The following RPS6KC1 variants were observed in gnomAD, a reference collection of about 807,000 sequenced individuals.
The protein encoded by RPS6KC1 is ribosomal protein S6 kinase C1.
Under a neutral mutation model 103.8 loss-of-function variants are expected in RPS6KC1, and 54 were observed. The observed-to-expected ratio is 0.52, with a 90% CI of 0.42 to 0.65. The LOEUF (loss-of-function observed/expected upper bound fraction) is 0.65, where lower values mean the gene tolerates loss of function less well. Ranked by LOEUF, RPS6KC1 falls within the 30% of genes least tolerant of loss-of-function variation. The pLI is 0.00. For missense variants in RPS6KC1, 1,151 were observed against 1,253.8 expected (o/e 0.92, Z 1.24); for synonymous variants, 439 against 438.7 (o/e 1.00, Z -0.01).
the RPS6KC1 span, among the ~76,000 whole-genome samples, chr1:213,762,214 G>A: frequency 6.6e-6 from 1 of 152,162 alleles, no homozygotes; most frequent in Admixed American, 6.5e-5. Context: ...TCACCCTTTT[G>A]CACATCAAAA....
At chr1:213,559,140 C>T in the RPS6KC1 span, among the ~76,000 whole-genome samples, 2 of 152,106 alleles carry the variant, frequency 1.3e-5, no homozygotes, top group Non-Finnish European at 2.9e-5. Flanking sequence ...AGTTGGATGC[C>T]CTCTAGCTTC....
At position 213,053,836 on chromosome 1, in the gene RPS6KC1, A is replaced by AT. The variant is rs756027243; in HGVS notation, c.105+2343dup. Among the ~76,000 whole-genome samples the AT allele has an allele frequency of 8.9e-3, 1,285 of 143,972 alleles. 9 individuals carry two copies. The highest frequency in any genetic ancestry group is 0.022 in the Middle Eastern group (6 of 270). The allele number at this position is 143,972 out of a possible 152,430, so 94.5% of individuals were successfully genotyped here. A position where few individuals can be genotyped will look rare whatever the true frequency, so the allele number is the denominator to read the frequency against. On this transcript the variant is annotated intron_variant, in intron 1 of 14. Coordinates refer to ENST00000366960, the MANE Select transcript of RPS6KC1 (RefSeq NM_012424.6). Reference sequence around the variant, plus strand: ...AAAGGAAAGGTTAACCAAATTCAGAATTTTTTTTTTTTTTTTCCAAGGCGT... The same window carrying AT: ...AAAGGAAAGGTTAACCAAATTCAGAATTTTTTTTTTTTTTTTTCCAAGGCGT...
In RPS6KC1 at chr1:213,171,385, T is replaced by C. The variant is rs147863730; in HGVS notation, c.951+3412T>C. On this transcript the variant is annotated intron_variant, in intron 7 of 14. Transcript: ENST00000366960. ...TTTTTCAAATAAATCCTAGACAACG[T>C]TGAATGATTTAAGAATTAATGTTGA... is the stretch of plus-strand genomic sequence containing the variant. Among the ~76,000 whole-genome samples, 59 of 151,772 alleles carry C rather than the reference T, an allele frequency of 3.9e-4. 1 individual carries two copies. In the East Asian group the frequency reaches 0.011, roughly 28 times the overall value.
chr1:213,246,030 A>G (rs1417698262), intron 12 of RPS6KC1, among the ~76,000 whole-genome samples: 2 of 152,180 alleles, frequency 1.3e-5, no homozygotes, highest in East Asian at 1.9e-4. Context: ...TCCAACAACA[A>G]AAAGACAAAA....
At chr1:213,266,852 G>A (rs193175398) in intron 14 of RPS6KC1, among the ~76,000 whole-genome samples, 54 of 151,826 alleles carry the variant, frequency 3.6e-4, no homozygotes, top group African/African-American at 9.6e-4. Flanking sequence ...GCAGTGAGCC[G>A]AGATCGCGCC....
chr1:213,523,900 C>T, the RPS6KC1 span, among the ~76,000 whole-genome samples: 20 of 152,194 alleles, frequency 1.3e-4, no homozygotes, highest in Middle Eastern at 3.4e-3. Flanking sequence ...CACCAGGGAA[C>T]GGGGGTAAGA....
chr1:213,777,086 G>A, the RPS6KC1 span, among the ~76,000 whole-genome samples: 1 of 152,204 alleles, frequency 6.6e-6, no homozygotes, highest in Non-Finnish European at 1.5e-5. Context: ...TGGACCACTC[G>A]AAGTTTCTCA....
At chr1:213,768,650 C>T in the RPS6KC1 span, among the ~76,000 whole-genome samples, 45 of 152,180 alleles carry the variant, frequency 3.0e-4, no homozygotes, top group Non-Finnish European at 6.0e-4. Flanking sequence ...ACTCTGATCT[C>T]CCTTTAAATT....
the RPS6KC1 span, among the ~76,000 whole-genome samples, chr1:213,852,183 T>C: frequency 6.6e-6 from 1 of 152,194 alleles, no homozygotes; most frequent in Admixed American, 6.5e-5. Flanking sequence ...ATCACTTCTG[T>C]GCTTAAAACC....
the RPS6KC1 span, among the ~76,000 whole-genome samples, chr1:213,553,109 A>G: frequency 1.3e-5 from 2 of 152,120 alleles, no homozygotes; most frequent in African/African-American, 4.8e-5. Flanking sequence ...TTTGTCACCC[A>G]GGTAATCAGC....
chr1:213,332,284 A>G, the RPS6KC1 span, among the ~76,000 whole-genome samples: 151 of 152,342 alleles, frequency 9.9e-4, 2 homozygotes, highest in African/African-American at 3.4e-3. Flanking sequence ...GGTTGAATTC[A>G]GTGTATTAAG....
At chr1:213,145,967 GTTTTTTTT>G (rs71573864) in intron 6 of RPS6KC1, among the ~76,000 whole-genome samples, 101 of 47,836 alleles carry the variant, frequency 2.1e-3, no homozygotes, top group African/African-American at 9.1e-3. Flanking sequence ...CATTCATTCT[GTTTTTTTT>G]TTTTTTTTTT....
the RPS6KC1 span, among the ~76,000 whole-genome samples, chr1:213,851,848 C>T: frequency 6.6e-6 from 1 of 152,196 alleles, no homozygotes; most frequent in Non-Finnish European, 1.5e-5. Context: ...CTCTCCTGCA[C>T]ATCCAGTCAA....
the RPS6KC1 span, among the ~76,000 whole-genome samples, chr1:213,704,914 T>C: frequency 3.9e-5 from 6 of 152,248 alleles, no homozygotes; most frequent in Non-Finnish European, 8.8e-5. Context: ...TCCAGAAGAA[T>C]TCTCTGGATT....
intron 8 of RPS6KC1, among the ~76,000 whole-genome samples, chr1:213,193,199 A>G (rs2148490902): frequency 6.6e-6 from 1 of 152,226 alleles, no homozygotes; most frequent in Admixed American, 6.5e-5. Context: ...TGTTCTGTAA[A>G]TATCTGTTAG....
At chr1:213,187,250 CTTTT>C (rs758725965) in intron 8 of RPS6KC1, among the ~76,000 whole-genome samples, 2 of 135,090 alleles carry the variant, frequency 1.5e-5, no homozygotes, top group Admixed American at 7.5e-5. Context: ...TCTTCTTCTT[CTTTT>C]TTTTTTTTTT....
At chr1:213,589,205 G>A in the RPS6KC1 span, among the ~76,000 whole-genome samples, 1 of 152,192 alleles carries the variant, frequency 6.6e-6, no homozygotes, top group African/African-American at 2.4e-5. Flanking sequence ...AACCCAAAGG[G>A]AAATTTGTCA....
At chr1:213,411,358 G>GCATCACAA in the RPS6KC1 span, among the ~76,000 whole-genome samples, 1 of 152,194 alleles carries the variant, frequency 6.6e-6, no homozygotes, top group African/African-American at 2.4e-5. Flanking sequence ...GCAAGCCCTT[G>GCATCACAA]GGAGGTGATG....
the RPS6KC1 span, among the ~76,000 whole-genome samples, chr1:213,514,544 A>G: frequency 6.6e-6 from 1 of 151,952 alleles, no homozygotes; most frequent in African/African-American, 2.4e-5. Flanking sequence ...CCATGTCCCT[A>G]CAAAGGACAT....
Sources: allele counts gnomAD v4.1 joint callset (sites outside exome capture counted in the v4.1 genomes callset), GRCh38; gene constraint gnomAD v4.1.1; transcripts MANE v1.5; gene names NCBI Gene and HGNC (gene_info 2026-07-23, HGNC 2026-07-21).